The following TMTC1 variants were observed in gnomAD, a reference collection of about 807,000 sequenced individuals.
TMTC1 encodes protein O-mannosyl-transferase TMTC1.
Under a neutral mutation model 104.8 loss-of-function variants are expected in TMTC1, and 73 were observed. The ratio of observed to expected loss-of-function variants is 0.70; its 90% CI spans 0.58 to 0.85. The LOEUF is 0.85. Ranked by LOEUF, TMTC1 falls within the 40% of genes least tolerant of loss-of-function variation. TMTC1 has a pLI of 0.00. For missense variants in TMTC1, 1,035 were observed against 1,096.1 expected (o/e 0.94, Z 0.79); for synonymous variants, 434 against 428.7 (o/e 1.01, Z -0.15).
chr12:29,509,966 T>C (rs1402690549), intron 17 of TMTC1, among the ~76,000 whole-genome samples: 1 of 152,248 alleles, frequency 6.6e-6, no homozygotes, highest in Non-Finnish European at 1.5e-5. Context: ...GTACTTTTTC[T>C]AATTAACAAC....
chr12:29,687,755 G>A (rs937774222), intron 5 of TMTC1, among the ~76,000 whole-genome samples: 7 of 152,176 alleles, frequency 4.6e-5, no homozygotes, highest in African/African-American at 1.7e-4. Flanking sequence ...CCTGGTGAGG[G>A]ATCTCTTCTT....
chr12:29,724,215 C>T (rs1410676106), intron 5 of TMTC1, among the ~76,000 whole-genome samples: 1 of 152,158 alleles, frequency 6.6e-6, no homozygotes. Context: ...ATATTTCATA[C>T]ACGACAAGTT....
chr12:29,669,891 G>A (rs1940438950), intron 5 of TMTC1, among the ~76,000 whole-genome samples: 1 of 152,162 alleles, frequency 6.6e-6, no homozygotes, highest in Admixed American at 6.5e-5. Context: ...GAGAGAACTG[G>A]CCCCATTGTA....
chr12:29,747,101 G>A (rs560020360), intron 5 of TMTC1, among the ~76,000 whole-genome samples: 12 of 152,250 alleles, frequency 7.9e-5, no homozygotes, highest in Non-Finnish European at 1.2e-4. Context: ...ATTTAAATAT[G>A]AAACCAATCA....
intron 6 of TMTC1, among the ~76,000 whole-genome samples, chr12:29,612,598 A>G (rs1946873795): frequency 6.6e-6 from 1 of 152,004 alleles, no homozygotes; most frequent in African/African-American, 2.4e-5. Context: ...TTTTTTTAGT[A>G]GAGACAAGTT....
rs781764675 is a variant in TMTC1, at chr12:29,768,080, AAAAC to A, written c.303-9_303-6del. ...CCAGTCAAAAATATGTTTAGCCTGT[AAAAC>A]AAAAGAAAAAAGAAAAAAACTGCAT... On this transcript the variant is annotated splice_polypyrimidine_tract_variant and splice_region_variant and intron_variant, in intron 1 of 17. Transcript: ENST00000539277. The A allele has an allele frequency of 1.3e-6, 2 of 1,552,434 alleles. No homozygotes were observed.
At chr12:29,562,191 T>A (rs1021582475) in intron 9 of TMTC1, among the ~76,000 whole-genome samples, 3 of 152,200 alleles carry the variant, frequency 2.0e-5, no homozygotes, top group Admixed American at 6.5e-5. Context: ...ACCTAGCAAA[T>A]AAGTTTTACC....
rs776827994 is a variant in TMTC1, at chr12:29,505,853, C to A, written c.*993G>T. ...ACACAAATAAATAGAGCTCTTTTTC[C>A]ATCTAGTTAGAATCTATGAAGATTT... On this transcript the variant is annotated 3_prime_UTR_variant, in exon 18 of 18. Coordinates refer to ENST00000539277, the MANE Select transcript of TMTC1 (RefSeq NM_001193451.2). 4.6e-5 allele frequency: 7 copies of A among 151,860 alleles called. No homozygotes were observed. The highest frequency in any genetic ancestry group is 1.0e-4 in the Non-Finnish European group (7 of 67,978). 9.4% of individuals were successfully genotyped at this position (151,860 alleles called of 1,614,324 possible).
intron 5 of TMTC1, among the ~76,000 whole-genome samples, chr12:29,668,454 C>CTTATTTTTTTT (rs1940370096): frequency 1.1e-5 from 1 of 90,090 alleles, no homozygotes; most frequent in Non-Finnish European, 2.1e-5. Flanking sequence ...ACCAACTTAT[C>CTTATTTTTTTT]TTTTTTTTTT....
chr12:29,549,909 A>AC (rs1213572345), intron 10 of TMTC1, among the ~76,000 whole-genome samples: 4 of 152,026 alleles, frequency 2.6e-5, no homozygotes, highest in Non-Finnish European at 5.9e-5. Context: ...TCAGATTTGT[A>AC]TTTTTTTCCT....
At chr12:29,701,416 C>G (rs967742547) in intron 5 of TMTC1, among the ~76,000 whole-genome samples, 1 of 152,118 alleles carries the variant, frequency 6.6e-6, no homozygotes, top group Non-Finnish European at 1.5e-5. Context: ...GGAGGGCTCC[C>G]CTGACAAGAA....
At chr12:29,511,685 G>T (rs1000324262) in intron 17 of TMTC1, among the ~76,000 whole-genome samples, 2 of 152,106 alleles carry the variant, frequency 1.3e-5, no homozygotes, top group Non-Finnish European at 2.9e-5. Flanking sequence ...GTTAAACTGG[G>T]AAGAAATTAA....
At chr12:29,770,396 A>C (rs1194684936) in intron 1 of TMTC1, among the ~76,000 whole-genome samples, 2 of 152,168 alleles carry the variant, frequency 1.3e-5, no homozygotes, top group Non-Finnish European at 2.9e-5. Context: ...AAATCTGAAA[A>C]AATACTTCTG....
chr12:29,710,985 A>G (rs1941909483), intron 5 of TMTC1, among the ~76,000 whole-genome samples: 1 of 55,910 alleles, frequency 1.8e-5, no homozygotes, highest in African/African-American at 4.4e-5. Context: ...AAATATATAT[A>G]TATTTTTTCC....
At chr12:29,521,106 T>A (rs942540655) in intron 11 of TMTC1, 1 of 178,122 alleles carries the variant, frequency 5.6e-6, no homozygotes, top group Non-Finnish European at 1.2e-5. Context: ...AATGGTGGAA[T>A]GTTTTCAGAG....
intron 5 of TMTC1, among the ~76,000 whole-genome samples, chr12:29,700,017 C>T (rs1241913343): frequency 6.6e-6 from 1 of 151,788 alleles, no homozygotes; most frequent in Non-Finnish European, 1.5e-5. Flanking sequence ...TAATATCAGA[C>T]AGTATTTTTA....
chr12:29,724,045 T>C (rs771038048), intron 5 of TMTC1, among the ~76,000 whole-genome samples: 1 of 152,160 alleles, frequency 6.6e-6, no homozygotes, highest in Non-Finnish European at 1.5e-5. Flanking sequence ...AGGAACAGAC[T>C]GACAAATTCT....
intron 9 of TMTC1, among the ~76,000 whole-genome samples, chr12:29,561,657 CAGTT>C (rs147702574): frequency 0.016 from 2,501 of 152,246 alleles, 48 homozygotes; most frequent in African/African-American, 0.056. Flanking sequence ...AATTTTATGT[CAGTT>C]ATTTACTTTA....
chr12:29,548,688 T>C (rs1338371691), intron 10 of TMTC1, among the ~76,000 whole-genome samples: 1 of 151,496 alleles, frequency 6.6e-6, no homozygotes, highest in East Asian at 1.9e-4. Flanking sequence ...CAGTCTCAGG[T>C]ATGTCTTTAT....
Sources: gnomAD v4.1 joint callset for allele counts (sites outside exome capture counted in the v4.1 genomes callset) on GRCh38, gnomAD v4.1.1 for gene constraint, MANE v1.5 for transcripts, NCBI Gene and HGNC (gene_info 2026-07-23, HGNC 2026-07-21) for gene names.